The following PRKD3 variants were observed in gnomAD, a reference collection of about 807,000 sequenced individuals.
PRKD3 encodes the protein serine/threonine-protein kinase D3.
In PRKD3, 47 loss-of-function variants were observed where a neutral mutation model predicts 99.2. The observed-to-expected ratio is 0.47, with a 90% CI of 0.38 to 0.60. The LOEUF (loss-of-function observed/expected upper bound fraction) is 0.60, where lower values mean the gene tolerates loss of function less well. Ranked by LOEUF, PRKD3 falls within the 20% of genes least tolerant of loss-of-function variation. The pLI, the probability that PRKD3 is intolerant of heterozygous loss-of-function variation, is 0.00. For synonymous variants in PRKD3, 392 were observed against 355.4 expected (o/e 1.10, Z -1.16); for missense variants, 1,019 against 1,088.4 (o/e 0.94, Z 0.90).
At chr2:37,283,830 A>C (rs1669967496) in intron 6 of PRKD3, among the ~76,000 whole-genome samples, 1 of 151,828 alleles carries the variant, frequency 6.6e-6, no homozygotes, top group African/African-American at 2.4e-5. Flanking sequence ...CTACAAAAAA[A>C]ATACAAAAAT....
At chr2:37,288,162 A>C (rs966880598) in intron 5 of PRKD3, among the ~76,000 whole-genome samples, 1 of 152,084 alleles carries the variant, frequency 6.6e-6, no homozygotes, top group African/African-American at 2.4e-5. Context: ...TAGGTGGCGT[A>C]ACAGCATCAT....
chr2:37,252,656 GGTTT>G lies in PRKD3; in HGVS notation c.*517_*520del, dbSNP rs1163044103. The G allele has an allele frequency of 6.6e-6, 1 of 151,850 alleles. No homozygotes were observed. The highest frequency in any genetic ancestry group is 1.5e-5 in the Non-Finnish European group (1 of 67,966). The allele number at this position is 151,850 out of a possible 1,614,324, so 9.4% of individuals were successfully genotyped here. ...AAGAAAAACCCTTCAATGCCTCTAT[GGTTT>G]GTTAAACCAATGTTAAAAGTCCTTA... On this transcript the variant is annotated 3_prime_UTR_variant, in exon 19 of 19. Coordinates refer to ENST00000234179, the MANE Select transcript of PRKD3 (RefSeq NM_005813.6).
chr2:37,297,154 C>T (rs1441281457), intron 2 of PRKD3, among the ~76,000 whole-genome samples: 3 of 151,948 alleles, frequency 2.0e-5, no homozygotes, highest in Non-Finnish European at 4.4e-5. Context: ...GATCTCTAAA[C>T]AATGTCTTAA....
chr2:37,253,476 T>C (rs941525399), intron 18 of PRKD3, 126 bp from the exon 19 acceptor site: 1 of 730,106 alleles, frequency 1.4e-6, no homozygotes. Flanking sequence ...GCGCTACTCA[T>C]AAGTATCTAC....
chr2:37,310,734 T>C (rs1671388312), intron 2 of PRKD3, among the ~76,000 whole-genome samples: 1 of 152,142 alleles, frequency 6.6e-6, no homozygotes, highest in Non-Finnish European at 1.5e-5. Flanking sequence ...AAGCAGAGGA[T>C]GTGGCAATGA....
In PRKD3 at chr2:37,293,290, A is replaced by C; in HGVS notation, c.289-19T>G. On this transcript the variant is annotated intron_variant, in intron 2 of 18. Transcript: ENST00000234179. ...CTGGAAACTGAGGGATAATAGTCCT[A>C]TATCAGTATGACCACAGTTTTCTAT... 1.3e-6 allele frequency: 2 copies of C among 1,552,392 alleles called. No individual in the cohort carries two copies. Among genetic ancestry groups the C allele is most frequent in the Non-Finnish European group, 1.8e-6 (2 of 1,136,320 alleles).
At chr2:37,261,506 C>T (rs1036393586) in intron 14 of PRKD3, among the ~76,000 whole-genome samples, 33 of 140,872 alleles carry the variant, frequency 2.3e-4, no homozygotes, top group African/African-American at 2.4e-4. Flanking sequence ...AAAGGCCGGG[C>T]GCGGTGGCTC....
intron 12 of PRKD3, among the ~76,000 whole-genome samples, chr2:37,271,811 G>A (rs1003429729): frequency 6.6e-6 from 1 of 152,174 alleles, no homozygotes; most frequent in Non-Finnish European, 1.5e-5. Flanking sequence ...TGCCAAAAAG[G>A]TTAGGGACTG....
At chr2:37,289,020 C>G (rs985289970) in intron 5 of PRKD3, among the ~76,000 whole-genome samples, 1 of 150,996 alleles carries the variant, frequency 6.6e-6, no homozygotes, top group Non-Finnish European at 1.5e-5. Flanking sequence ...TGCCACTGCA[C>G]TCCAGCCTGG....
chr2:37,278,236 T>A, intron 8 of PRKD3: 4 of 232,366 alleles, frequency 1.7e-5, no homozygotes, highest in Middle Eastern at 1.7e-3. Context: ...AAAAAAAAAA[T>A]TAAAAACAAT....
chr2:37,269,243 T>G, intron 13 of PRKD3: 1 of 221,126 alleles, frequency 4.5e-6, no homozygotes, highest in Non-Finnish European at 9.3e-6. Context: ...ATGCCAACAG[T>G]AGACAAATGG....
rs1335488085 is a variant in PRKD3, at chr2:37,291,000, C to T, written c.428-1G>A. On this transcript the variant is annotated splice_acceptor_variant, in intron 3 of 18. Coordinates refer to ENST00000234179, the MANE Select transcript of PRKD3 (RefSeq NM_005813.6). LOFTEE classifies it high-confidence loss of function. The stretch of plus-strand genomic sequence containing the variant: ...TGGAAGTCTTCTACTGTGGCTAAAG[C>T]TTTAAAAAAGAAAAGTATTACAATA... 1 of 1,597,744 alleles carries T rather than the reference C, an allele frequency of 6.3e-7. No homozygotes were observed. The highest frequency in any genetic ancestry group is 8.5e-7 in the Non-Finnish European group (1 of 1,173,654).
chr2:37,267,369 C>A, intron 14 of PRKD3, 61 bp downstream of exon 14: 9 of 1,085,140 alleles, frequency 8.3e-6, no homozygotes, highest in African/African-American at 1.6e-5. Flanking sequence ...AAAAGAGAAG[C>A]AGTTAATTCA....
intron 7 of PRKD3, among the ~76,000 whole-genome samples, chr2:37,281,356 A>G (rs1669850017): frequency 6.6e-6 from 1 of 152,380 alleles, no homozygotes; most frequent in Middle Eastern, 3.4e-3. Context: ...TAACCGAAAG[A>G]GAAAACCAAT....
intron 10 of PRKD3, among the ~76,000 whole-genome samples, chr2:37,274,940 A>C (rs544047345): frequency 6.6e-6 from 1 of 152,312 alleles, no homozygotes; most frequent in African/African-American, 2.4e-5. Context: ...TTAGGATGCA[A>C]GGAAGAAGAT....
intron 14 of PRKD3, among the ~76,000 whole-genome samples, chr2:37,266,992 C>T (rs2300890): frequency 9.2e-4 from 140 of 152,138 alleles, no homozygotes; most frequent in Admixed American, 4.9e-3. Context: ...AAATCATTGC[C>T]AATATATCTT....
intron 6 of PRKD3, 113 bp from the exon 7 acceptor site, chr2:37,282,732 T>G: frequency 1.3e-6 from 1 of 751,158 alleles, no homozygotes; most frequent in East Asian, 2.7e-5. Context: ...ATGATGATAT[T>G]AAAATAATAA....
At chr2:37,285,846 ACTC>A (rs780950050) in intron 6 of PRKD3, among the ~76,000 whole-genome samples, 17 of 152,092 alleles carry the variant, frequency 1.1e-4, no homozygotes, top group Admixed American at 2.0e-4. Flanking sequence ...TATTACTAGT[ACTC>A]CTATTACTAT....
At chr2:37,256,353 G>GT (rs71398222) in intron 17 of PRKD3, among the ~76,000 whole-genome samples, 3,826 of 152,310 alleles carry the variant, frequency 0.025, 75 homozygotes, top group Non-Finnish European at 0.04. Flanking sequence ...AGATTTGGCA[G>GT]TAGTGACTAG....
Sources: allele counts gnomAD v4.1 joint callset (sites outside exome capture counted in the v4.1 genomes callset), GRCh38; gene constraint gnomAD v4.1.1; transcripts MANE v1.5; gene names NCBI Gene and HGNC (gene_info 2026-07-23, HGNC 2026-07-21).